The following BBS2 variants were observed in gnomAD, a reference collection of about 807,000 sequenced individuals.
The protein encoded by BBS2 is BBSome complex member BBS2.
In BBS2, 62 loss-of-function variants were observed where a neutral mutation model predicts 83.0. The observed-to-expected ratio is 0.75, with a 90% CI of 0.61 to 0.92. The LOEUF (loss-of-function observed/expected upper bound fraction) is 0.92, where lower values mean the gene tolerates loss of function less well. Ranked by LOEUF, BBS2 falls within the 40% of genes least tolerant of loss-of-function variation. BBS2 has a pLI of 0.00. For synonymous variants in BBS2, 303 were observed against 326.1 expected (o/e 0.93, Z 0.76); for missense variants, 784 against 901.0 (o/e 0.87, Z 1.66).
chr16:56,518,825 CAGA>C (rs1241652676), intron 1 of BBS2, among the ~76,000 whole-genome samples: 1 of 102,938 alleles, frequency 9.7e-6, no homozygotes, highest in Admixed American at 9.1e-5. Context: ...AAAATCTATA[CAGA>C]AGGTGTTTAG....
intron 7 of BBS2, among the ~76,000 whole-genome samples, chr16:56,504,387 G>A (rs917548475): frequency 1.3e-5 from 2 of 152,180 alleles, no homozygotes; most frequent in Non-Finnish European, 2.9e-5. Context: ...TAATATTTCT[G>A]TGGATATTCT....
chr16:56,470,819 C>T (rs370340606), intron 17 of BBS2: 11 of 1,531,640 alleles, frequency 7.2e-6, no homozygotes, highest in African/African-American at 2.8e-5. Context: ...TTTGTCCTTA[C>T]TTACCATTAA....
chr16:56,511,760 T>C (rs1462262144), intron 2 of BBS2, among the ~76,000 whole-genome samples: 1 of 152,198 alleles, frequency 6.6e-6, no homozygotes. Flanking sequence ...AATACAGTCC[T>C]AAACTCGATT....
intron 1 of BBS2, among the ~76,000 whole-genome samples, chr16:56,516,764 C>T (rs1346733781): frequency 6.6e-6 from 1 of 152,158 alleles, no homozygotes; most frequent in Non-Finnish European, 1.5e-5. Context: ...AGGGTCCCAG[C>T]TGTAAGGATA....
At chr16:56,493,339 T>C (rs1964016965) in intron 15 of BBS2, among the ~76,000 whole-genome samples, 1 of 148,606 alleles carries the variant, frequency 6.7e-6, no homozygotes, top group Non-Finnish European at 1.5e-5. Context: ...TGAGCTGTGA[T>C]TGCATCACTA....
intron 1 of BBS2, among the ~76,000 whole-genome samples, chr16:56,518,838 G>A (rs1473650239): frequency 9.3e-6 from 1 of 107,954 alleles, no homozygotes; most frequent in Non-Finnish European, 2.3e-5. Flanking sequence ...AAGGTGTTTA[G>A]TAGAAGTCTG....
intron 12 of BBS2, 95 bp from the exon 13 acceptor site, chr16:56,498,663 G>A: frequency 6.3e-7 from 1 of 1,588,568 alleles, no homozygotes; most frequent in Non-Finnish European, 8.5e-7. Context: ...AGCCATTCTT[G>A]AGGGAAGAGT....
chr16:56,484,878 A>C lies in BBS2; in HGVS notation c.2060-11T>G. ...TCTTTGGTTTTCCAACTGCATAAGA[A>C]GAAACATCAGGAACCAAAAGATTGT... On this transcript the variant is annotated splice_polypyrimidine_tract_variant and intron_variant, in intron 16 of 16. Coordinates refer to ENST00000245157, the MANE Select transcript of BBS2 (RefSeq NM_031885.5). 6.2e-7 allele frequency: 1 copy of C among 1,602,756 alleles called. No individual in the cohort carries two copies. The highest frequency in any genetic ancestry group is 1.1e-5 in the South Asian group (1 of 90,818).
chr16:56,503,309 T>G (rs1964331651), intron 7 of BBS2, among the ~76,000 whole-genome samples: 2 of 152,206 alleles, frequency 1.3e-5, no homozygotes, highest in Admixed American at 1.3e-4. Context: ...AGTTAACATA[T>G]ATCAACAGGG....
chr16:56,510,061 A>T, intron 4 of BBS2, 27 bp from the exon 5 acceptor site: 1 of 1,607,980 alleles, frequency 6.2e-7, no homozygotes, highest in Admixed American at 1.7e-5. Flanking sequence ...ATACATGTTC[A>T]GGTGAGTAAG....
intron 7 of BBS2, among the ~76,000 whole-genome samples, chr16:56,505,100 C>T (rs1964387610): frequency 6.6e-6 from 1 of 152,152 alleles, no homozygotes; most frequent in Non-Finnish European, 1.5e-5. Flanking sequence ...AGCCACCCAC[C>T]CTATGGTATT....
chr16:56,510,167 G>A (rs1964537277), intron 4 of BBS2, 133 bp from the exon 5 acceptor site: 2 of 757,118 alleles, frequency 2.6e-6, no homozygotes, highest in Non-Finnish European at 4.6e-6. Context: ...ATAATCGTTT[G>A]ATGCTCAGAA....
intron 1 of BBS2, among the ~76,000 whole-genome samples, chr16:56,516,927 T>C (rs1300906901): frequency 6.6e-6 from 1 of 152,200 alleles, no homozygotes; most frequent in Non-Finnish European, 1.5e-5. Context: ...CTTTTTAGAT[T>C]TGTTTACAGA....
At chr16:56,490,112 TCA>T (rs1166402599) in intron 15 of BBS2, among the ~76,000 whole-genome samples, 2 of 137,912 alleles carry the variant, frequency 1.5e-5, no homozygotes, top group Admixed American at 7.4e-5. Context: ...AGACCCTATC[TCA>T]CACACACACA....
At position 56,497,861 on chromosome 16, in the gene BBS2, T is replaced by A; in HGVS notation, c.1679A>T (p.Asp560Val). 1 of 1,611,402 alleles carries A rather than the reference T, an allele frequency of 6.2e-7. No individual in the cohort carries two copies. Among genetic ancestry groups the A allele is most frequent in the Non-Finnish European group, 8.5e-7 (1 of 1,179,818 alleles). The change falls in exon 14 of 17, where the codon GAT becomes GTT. Residue 560 changes from aspartate to valine, a missense_variant. Physicochemically the swap from Asp to Val is radical, Grantham distance 152. Transcript: ENST00000245157. Reference protein sequence around the residue: ...LSGEITINTDDIDLAGDIIQS... With the variant: ...LSGEITINTDVIDLAGDIIQS... ...GATGATATCACCAGCCAAATCAATA[T>A]CATCAGTATTTATAGTGATCTACCC...
At position 56,511,048 on chromosome 16, in the gene BBS2, T is replaced by G. The variant is rs1450678339; in HGVS notation, c.471+111A>C. On this transcript the variant is annotated intron_variant, in intron 3 of 16. Transcript: ENST00000245157. ...GCTATTCGAATTATTCATATCCTTT[T>G]TTAATGCACAGAATTATAAATATTA... The G allele has an allele frequency of 1.9e-6, 3 of 1,574,406 alleles. No individual in the cohort carries two copies. In the African/African-American group the frequency reaches 4.1e-5, roughly 21 times the overall value.
At chr16:56,503,905 C>A (rs111568939) in intron 7 of BBS2, among the ~76,000 whole-genome samples, 6,348 of 145,246 alleles carry the variant, frequency 0.044, 209 homozygotes, top group East Asian at 0.16. Flanking sequence ...GGTGACAAAG[C>A]GAGACTCCAG....
rs2144214387 is a variant in BBS2, at chr16:56,519,776, C to T, written c.87G>A (p.Pro29=). ...CCGTTTGGGTGGCGGCCGCCAGGCA[C>T]GGGTGAGTCCCGTCGTAGCGCCCTA... is the stretch of plus-strand genomic sequence containing the variant. ...VAIGRYDGTH[P]CLAAATQTGK... The change falls in exon 1 of 17, where the codon CCG becomes CCA. Residue 29 remains proline, a synonymous_variant. Transcript: ENST00000245157. 5.6e-6 allele frequency: 9 copies of T among 1,613,562 alleles called. 1 individual carries two copies. Among genetic ancestry groups the T allele is most frequent in the South Asian group, 2.2e-5 (2 of 91,058 alleles).
chr16:56,474,251 A>AT (rs1204404077), intron 17 of BBS2, among the ~76,000 whole-genome samples: 5 of 148,056 alleles, frequency 3.4e-5, no homozygotes, highest in African/African-American at 1.3e-4. Context: ...CGTATTTTTT[A>AT]TTTTTTTGCA....
Sources: allele counts gnomAD v4.1 joint callset (sites outside exome capture counted in the v4.1 genomes callset), GRCh38; gene constraint gnomAD v4.1.1; transcripts MANE v1.5; gene names NCBI Gene and HGNC (gene_info 2026-07-23, HGNC 2026-07-21).